Variants in CTPS1 observed in about 807,000 individuals in gnomAD.
CTPS1 encodes CTP synthetase 1.
A neutral mutation model predicts 80.5 loss-of-function variants in CTPS1; 25 were observed. The observed-to-expected ratio is 0.31, with a 90% CI of 0.23 to 0.43. CTPS1 has a LOEUF of 0.43. CTPS1 is among the 20% of genes least tolerant of loss of function. The probability of loss-of-function intolerance (pLI) is 1.00; values close to 1 mark genes in which losing one functional copy is unlikely to be tolerated. For synonymous variants in CTPS1, 267 were observed against 252.5 expected, an observed-to-expected ratio of 1.06 and a Z score of -0.54; for missense variants, 442 against 725.7, an observed-to-expected ratio of 0.61 and a Z score of 4.49.
intron 7 of CTPS1, among the ~76,000 whole-genome samples, chr1:40,992,645 A>G (rs1474304526): frequency 6.6e-6 from 1 of 151,146 alleles, no homozygotes; most frequent in East Asian, 1.9e-4. Context: ...AGGAAATTCA[A>G]TTCTGTAGCA....
intron 4 of CTPS1, 76 bp downstream of exon 4, chr1:40,987,548 C>G: frequency 1.9e-6 from 2 of 1,041,662 alleles, no homozygotes; most frequent in Non-Finnish European, 1.5e-6. Context: ...TAAGACAGTT[C>G]CCAGTGGAGC....
intron 18 of CTPS1, among the ~76,000 whole-genome samples, chr1:41,011,383 G>A (rs554031862): frequency 6.6e-5 from 10 of 152,324 alleles, no homozygotes; most frequent in African/African-American, 2.2e-4. Flanking sequence ...TGACTGCCTC[G>A]CAAGTGGAGA....
rs768389795 is a variant in CTPS1, at chr1:41,003,212, T to C, written c.1252+36T>C. On this transcript the variant is annotated intron_variant, in intron 12 of 18. Coordinates refer to ENST00000650070, the MANE Select transcript of CTPS1 (RefSeq NM_001905.4). ...ATTAAGACACTCATTCAATTCCCGC[T>C]TGTGTATTTCTGGAGGATATGAGGC... The C allele has an allele frequency of 1.1e-5, 18 of 1,611,776 alleles. 1 individual carries two copies. In the South Asian group the frequency reaches 2.0e-4, roughly 18 times the overall value.
intron 9 of CTPS1, among the ~76,000 whole-genome samples, chr1:40,998,040 C>T (rs796527484): frequency 1.2e-4 from 19 of 152,208 alleles, no homozygotes; most frequent in African/African-American, 4.3e-4. Flanking sequence ...AGCAGCTGAG[C>T]TGGTGGAATG....
intron 5 of CTPS1, among the ~76,000 whole-genome samples, chr1:40,989,004 TGGA>T (rs1642530118): frequency 6.6e-6 from 1 of 152,140 alleles, no homozygotes; most frequent in Non-Finnish European, 1.5e-5. Context: ...ACAAATCTTG[TGGA>T]GAGGAGTCAA....
chr1:41,001,170 T>A, intron 10 of CTPS1, 53 bp downstream of exon 10: 1 of 1,348,146 alleles, frequency 7.4e-7, no homozygotes, highest in South Asian at 1.3e-5. Flanking sequence ...TTTGTTTTAA[T>A]GAAAAAGTCC....
At chr1:40,988,737 T>C (rs1553179140) in intron 5 of CTPS1, 27 bp downstream of exon 5, 25 of 1,478,098 alleles carry the variant, frequency 1.7e-5, no homozygotes, top group Non-Finnish European at 2.1e-5. Context: ...AAGTTTTACT[T>C]TGGGGGAGAT....
intron 7 of CTPS1, among the ~76,000 whole-genome samples, chr1:40,995,367 T>TG (rs1359211667): frequency 6.7e-6 from 1 of 149,344 alleles, no homozygotes; most frequent in Non-Finnish European, 1.5e-5. Flanking sequence ...CATGGGCACA[T>TG]GCCACCACAC....
intron 6 of CTPS1, 129 bp from the exon 7 acceptor site, chr1:40,991,636 G>A (rs1180720268): frequency 1.6e-6 from 1 of 631,772 alleles, no homozygotes; most frequent in African/African-American, 1.8e-5. Flanking sequence ...TGGATTATGT[G>A]CCTGGTGCTG....
At chr1:40,998,046 G>T (rs1242807790) in intron 9 of CTPS1, among the ~76,000 whole-genome samples, 3 of 152,192 alleles carry the variant, frequency 2.0e-5, no homozygotes, top group Non-Finnish European at 4.4e-5. Context: ...TGAGCTGGTG[G>T]AATGGTGGGG....
At chr1:40,996,183 T>C in intron 8 of CTPS1, 115 bp downstream of exon 8, 1 of 1,105,330 alleles carries the variant, frequency 9.0e-7, no homozygotes, top group Non-Finnish European at 1.3e-6. Flanking sequence ...CATCCACTCA[T>C]TAGAAGAGCC....
chr1:40,984,735 T>C, intron 2 of CTPS1, 86 bp from the exon 3 acceptor site: 1 of 1,066,866 alleles, frequency 9.4e-7, no homozygotes, highest in Non-Finnish European at 1.3e-6. Flanking sequence ...CACACCTTGT[T>C]AATGAGTGTT....
intron 9 of CTPS1, among the ~76,000 whole-genome samples, chr1:40,998,026 G>A (rs1380210161): frequency 2.0e-5 from 3 of 152,168 alleles, no homozygotes; most frequent in South Asian, 2.1e-4. Flanking sequence ...GTGCCATGGC[G>A]GGCAGCAGCT....
intron 7 of CTPS1, among the ~76,000 whole-genome samples, chr1:40,995,527 G>C (rs775420353): frequency 6.6e-6 from 1 of 151,938 alleles, no homozygotes; most frequent in East Asian, 1.9e-4. Context: ...CCCCCAGTTA[G>C]CTGAGACTAC....
In CTPS1 at chr1:41,007,591, A is replaced by T; in HGVS notation, c.1393+46A>T. 1.3e-6 allele frequency: 2 copies of T among 1,520,614 alleles called. No individual in the cohort carries two copies. Among genetic ancestry groups the T allele is most frequent in the Non-Finnish European group, 1.8e-6 (2 of 1,097,070 alleles). The allele number at this position is 1,520,614 out of a possible 1,614,324, so 94.2% of individuals were successfully genotyped here. ...GCCCAGCCTTTGGCTCTGCGTGCCC[A>T]GGACGCGTGTCTTAGGGTGATGCTG... On this transcript the variant is annotated intron_variant, in intron 14 of 18. Coordinates refer to ENST00000650070, the MANE Select transcript of CTPS1 (RefSeq NM_001905.4). This position sits in a 1 kb window ranked among gnomAD's most constrained non-coding sequence, Gnocchi z 4.4.
At chr1:40,987,251 T>C in intron 3 of CTPS1, 121 bp from the exon 4 acceptor site, 2 of 700,424 alleles carry the variant, frequency 2.9e-6, no homozygotes, top group Admixed American at 2.3e-5. Flanking sequence ...AGTATTTTTA[T>C]GACCCTATTG....
intron 13 of CTPS1, among the ~76,000 whole-genome samples, chr1:41,006,457 C>G (rs1643036447): frequency 6.6e-6 from 1 of 152,142 alleles, no homozygotes; most frequent in Non-Finnish European, 1.5e-5. Context: ...GCTCTCACTG[C>G]TTTCATATGT....
chr1:40,988,461 C>G (rs144947067), intron 4 of CTPS1, 133 bp from the exon 5 acceptor site: 7,147 of 655,186 alleles, frequency 0.011, 68 homozygotes, highest in Non-Finnish European at 0.016. Context: ...TGTTAACTAA[C>G]ATTATACAGG....
intron 1 of CTPS1, chr1:40,981,961 T>A: frequency 7.8e-7 from 1 of 1,287,830 alleles, no homozygotes; most frequent in Non-Finnish European, 1.0e-6. Context: ...ACATGGAACG[T>A]TCCTGAGGAG....
Sources: allele counts gnomAD v4.1 joint callset (sites outside exome capture counted in the v4.1 genomes callset), GRCh38; gene constraint gnomAD v4.1.1; non-coding constraint Gnocchi (gnomAD v3.1); transcripts MANE v1.5; gene names NCBI Gene and HGNC (gene_info 2026-07-23, HGNC 2026-07-21).